HERC4: variants seen among roughly 807,000 people sequenced by gnomAD.
HERC4 encodes HECT and RLD domain containing E3 ubiquitin protein ligase 4.
HERC4 carries 28 observed loss-of-function variants against 124.3 expected under a neutral mutation model. The observed-to-expected ratio is 0.23, with a 90% CI of 0.17 to 0.31. The LOEUF (loss-of-function observed/expected upper bound fraction) is 0.31. HERC4 is among the 10% of genes least tolerant of loss of function. HERC4 has a pLI of 1.00. For synonymous variants in HERC4, 407 were observed against 421.5 expected, an observed-to-expected ratio of 0.97 and a Z score of 0.42; for missense variants, 713 against 1,229.3, an observed-to-expected ratio of 0.58 and a Z score of 6.28.
intron 3 of HERC4, among the ~76,000 whole-genome samples, chr10:68,049,683 G>A (rs950768009): frequency 4.0e-5 from 6 of 151,884 alleles, no homozygotes; most frequent in African/African-American, 1.5e-4. Context: ...GGCTGAGGCG[G>A]GAGGATGGCT....
intron 24 of HERC4, among the ~76,000 whole-genome samples, chr10:67,924,231 A>G (rs1237380368): frequency 6.6e-6 from 1 of 152,198 alleles, no homozygotes; most frequent in Non-Finnish European, 1.5e-5. Context: ...TCCCTCAACA[A>G]TACAGTATAA....
chr10:68,051,248 T>A (rs1288342926), intron 3 of HERC4, among the ~76,000 whole-genome samples: 1 of 151,784 alleles, frequency 6.6e-6, no homozygotes, highest in Non-Finnish European at 1.5e-5. Flanking sequence ...CAGCATATAA[T>A]CATTATAGTC....
intron 7 of HERC4, among the ~76,000 whole-genome samples, chr10:68,028,618 C>A (rs1295641027): frequency 6.6e-6 from 1 of 152,160 alleles, no homozygotes; most frequent in Non-Finnish European, 1.5e-5. Flanking sequence ...CATGGTTCAT[C>A]ACTTCTAGGA....
At chr10:68,017,678 GT>G (rs542123160) in intron 8 of HERC4, among the ~76,000 whole-genome samples, 4 of 151,954 alleles carry the variant, frequency 2.6e-5, no homozygotes, top group African/African-American at 9.7e-5. Flanking sequence ...GTAGAGATGG[GT>G]TTTTTTGCCA....
intron 4 of HERC4, chr10:68,039,501 A>G (rs1233044423): frequency 6.4e-7 from 1 of 1,550,664 alleles, no homozygotes; most frequent in Admixed American, 2.0e-5. Flanking sequence ...TCAGCAAATC[A>G]AAGTTTGAGC....
chr10:68,059,437 T>C (rs2040717796), intron 3 of HERC4, among the ~76,000 whole-genome samples: 1 of 128,716 alleles, frequency 7.8e-6, no homozygotes, highest in African/African-American at 3.1e-5. Context: ...TCTCTCGCTA[T>C]TATAATAATA....
intron 9 of HERC4, among the ~76,000 whole-genome samples, chr10:67,996,380 C>G (rs899426389): frequency 1.3e-5 from 2 of 152,162 alleles, no homozygotes; most frequent in Admixed American, 6.5e-5. Flanking sequence ...CCACCTTTCA[C>G]TGTCTTTGAG....
intron 15 of HERC4, among the ~76,000 whole-genome samples, chr10:67,972,347 C>A (rs1203536149): frequency 3.3e-5 from 5 of 149,898 alleles, no homozygotes; most frequent in Admixed American, 6.7e-5. Context: ...CATGGAGAAA[C>A]CCCATCTCTA....
At chr10:67,977,490 T>C (rs1031576901) in intron 15 of HERC4, among the ~76,000 whole-genome samples, 4 of 152,234 alleles carry the variant, frequency 2.6e-5, no homozygotes, top group African/African-American at 4.8e-5. Flanking sequence ...TTCCCTACCA[T>C]GGCAGCTATG....
Position 67,991,210 on chromosome 10 carries a change from TAAAA to T in HERC4, c.1272-15_1272-12del. On this transcript the variant is annotated splice_polypyrimidine_tract_variant and intron_variant, in intron 11 of 24. Coordinates refer to ENST00000373700, the MANE Select transcript of HERC4 (RefSeq NM_015601.4). Reference sequence around the variant, plus strand: ...GTTCCATCTATCTCACTAAAAAATTTAAAAAAGTTTTTTTAATCATAGAATCAGA... The same window carrying T: ...GTTCCATCTATCTCACTAAAAAATTTAAGTTTTTTTAATCATAGAATCAGA... 6.7e-7 allele frequency: 1 copy of T among 1,490,190 alleles called. No homozygotes were observed. Among genetic ancestry groups the T allele is most frequent in the Non-Finnish European group, 9.0e-7 (1 of 1,110,744 alleles). 92.3% of individuals were successfully genotyped at this position (1,490,190 alleles called of 1,614,324 possible).
chr10:68,046,165 C>T (rs2040004156), intron 3 of HERC4, among the ~76,000 whole-genome samples: 1 of 151,324 alleles, frequency 6.6e-6, no homozygotes, highest in Non-Finnish European at 1.5e-5. Flanking sequence ...TTAGAAGCAT[C>T]ATTTGTTTAT....
intron 15 of HERC4, among the ~76,000 whole-genome samples, chr10:67,973,496 T>C (rs995602029): frequency 5.3e-5 from 8 of 152,212 alleles, no homozygotes; most frequent in Non-Finnish European, 8.8e-5. Context: ...AATATTACTA[T>C]GGCAAAAGTT....
At chr10:67,955,171 A>G in intron 17 of HERC4, 41 bp from the exon 18 acceptor site, 1 of 1,540,824 alleles carries the variant, frequency 6.5e-7, no homozygotes, top group Non-Finnish European at 8.7e-7. Flanking sequence ...CAATGCTACA[A>G]TAAAGCTACT....
intron 16 of HERC4, among the ~76,000 whole-genome samples, chr10:67,963,983 G>C (rs2034692122): frequency 7.7e-6 from 1 of 130,674 alleles, no homozygotes; most frequent in South Asian, 2.4e-4. Context: ...AGTTTGAGAA[G>C]CTTTACCTAG....
chr10:67,999,225 A>G (rs1564529202), intron 9 of HERC4, among the ~76,000 whole-genome samples: 1 of 152,206 alleles, frequency 6.6e-6, no homozygotes, highest in Non-Finnish European at 1.5e-5. Flanking sequence ...CATAAGAGTC[A>G]CTGAGTTCCT....
intron 19 of HERC4, among the ~76,000 whole-genome samples, chr10:67,943,647 C>G (rs2033098310): frequency 6.6e-6 from 1 of 152,162 alleles, no homozygotes; most frequent in Non-Finnish European, 1.5e-5. Context: ...GAATCTGAGA[C>G]AGCTGATAGT....
Position 67,943,032 on chromosome 10 carries a change from G to A in HERC4, c.2338-1927C>T, listed in dbSNP as rs189327825. ...AGGTACTTTGCCCACTTATCTTTTG[G>A]GGGATAATGTTTTTCTTAAGTATTT... On this transcript the variant is annotated intron_variant, in intron 19 of 24. Transcript: ENST00000373700. 2.3e-4 allele frequency among the ~76,000 whole-genome samples: 35 copies of A among 152,180 alleles called. 1 individual carries two copies. The highest frequency in any genetic ancestry group is 8.2e-4 in the African/African-American group (34 of 41,530).
chr10:68,010,038 C>G (rs571794430), intron 9 of HERC4, among the ~76,000 whole-genome samples: 1 of 152,294 alleles, frequency 6.6e-6, no homozygotes, highest in Non-Finnish European at 1.5e-5. Context: ...ACTTCACCTT[C>G]CCTCCAACCA....
intron 3 of HERC4, among the ~76,000 whole-genome samples, chr10:68,044,786 T>C (rs2039936495): frequency 6.6e-6 from 1 of 152,000 alleles, no homozygotes; most frequent in South Asian, 2.1e-4. Flanking sequence ...CACAGATAAA[T>C]ATATCATAGG....
Sources: allele counts gnomAD v4.1 joint callset (sites outside exome capture counted in the v4.1 genomes callset), GRCh38; gene constraint gnomAD v4.1.1; transcripts MANE v1.5; gene names NCBI Gene and HGNC (gene_info 2026-07-23, HGNC 2026-07-21).